Variants in PRIMA1 observed in about 807,000 individuals in gnomAD.
PRIMA1 encodes the protein proline-rich membrane anchor 1.
In PRIMA1, 7 loss-of-function variants were observed where a neutral mutation model predicts 17.5. The ratio of observed to expected loss-of-function variants is 0.40; its 90% CI spans 0.23 to 0.75. The LOEUF (loss-of-function observed/expected upper bound fraction) is 0.75. PRIMA1 is among the 30% of genes least tolerant of loss of function. The pLI is 0.37. For missense variants in PRIMA1, 200 were observed against 201.8 expected (o/e 0.99, Z 0.05); for synonymous variants, 97 against 77.9 (o/e 1.25, Z -1.29).
Position 93,721,345 on chromosome 14 carries a change from C to T in PRIMA1, c.*99G>A. 3 of 741,718 alleles carry T rather than the reference C, an allele frequency of 4.0e-6. No homozygotes were observed. In the South Asian group the frequency reaches 5.0e-5, roughly 12 times the overall value. The allele number at this position is 741,718 out of a possible 1,614,324, so 45.9% of individuals were successfully genotyped here. ...CTCAGGGCCTGTGAGGCAATGAAGT[C>T]CTGGACAAGCTCAGGGTTAGCTCAT... is the stretch of plus-strand genomic sequence containing the variant. On this transcript the variant is annotated 3_prime_UTR_variant, in exon 5 of 5. Transcript: ENST00000393140.
At chr14:93,783,874 C>T (rs544950105) in intron 2 of PRIMA1, among the ~76,000 whole-genome samples, 1 of 152,114 alleles carries the variant, frequency 6.6e-6, no homozygotes, top group South Asian at 2.1e-4. Context: ...CATCCTACTC[C>T]TGGCCAATCA....
intron 3 of PRIMA1, among the ~76,000 whole-genome samples, chr14:93,775,907 G>A (rs1170525976): frequency 1.3e-5 from 2 of 152,172 alleles, no homozygotes; most frequent in Admixed American, 6.5e-5. Flanking sequence ...CACATGGCCC[G>A]GGCCTGACCA....
At chr14:93,782,683 G>T (rs1255924899) in intron 2 of PRIMA1, among the ~76,000 whole-genome samples, 2 of 152,206 alleles carry the variant, frequency 1.3e-5, no homozygotes, top group Non-Finnish European at 1.5e-5. Flanking sequence ...TCTCTGAAAT[G>T]TGAGCAGGCA....
chr14:93,734,507 T>A (rs1355465460), intron 4 of PRIMA1, among the ~76,000 whole-genome samples: 1 of 152,224 alleles, frequency 6.6e-6, no homozygotes, highest in East Asian at 1.9e-4. Flanking sequence ...AGTTTCCCGC[T>A]TGCCTGTCTT....
intron 3 of PRIMA1, among the ~76,000 whole-genome samples, chr14:93,747,930 A>T (rs2076233192): frequency 1.3e-5 from 1 of 79,862 alleles, no homozygotes; most frequent in African/African-American, 3.9e-5. Flanking sequence ...GTGGAGTGTG[A>T]TTATGTGAGT....
At position 93,787,735 on chromosome 14, in the gene PRIMA1, C is replaced by A. The variant is rs1330299860; in HGVS notation, c.-17G>T. 6.5e-7 allele frequency: 1 copy of A among 1,541,532 alleles called. No individual in the cohort carries two copies. The highest frequency in any genetic ancestry group is 8.7e-7 in the Non-Finnish European group (1 of 1,146,364). On this transcript the variant is annotated 5_prime_UTR_variant, in exon 2 of 5. Transcript: ENST00000393140. Reference sequence around the variant, plus strand: ...GAGGAGCATCTCGGCCAGCGGCGCCCGCTCCTGGGGCGAACTGTCAGGAGA... The same window carrying A: ...GAGGAGCATCTCGGCCAGCGGCGCCAGCTCCTGGGGCGAACTGTCAGGAGA...
intron 3 of PRIMA1, among the ~76,000 whole-genome samples, chr14:93,778,364 C>G (rs180733109): frequency 1.3e-5 from 2 of 152,330 alleles, no homozygotes; most frequent in African/African-American, 4.8e-5. Flanking sequence ...TCCTCCAGAA[C>G]ATTGCATCAC....
chr14:93,767,861 A>G (rs1311373175), intron 3 of PRIMA1, among the ~76,000 whole-genome samples: 1 of 152,114 alleles, frequency 6.6e-6, no homozygotes, highest in African/African-American at 2.4e-5. Flanking sequence ...GCCTCTGAAC[A>G]CTCAGGTTCA....
rs527970749 is a variant in PRIMA1 at position 93,725,186 on chromosome 14, AGGCTCGGCACCTGTGGCAGGTAAGG to A, written c.360-3665_360-3641del. On this transcript the variant is annotated intron_variant, in intron 4 of 4. Transcript: ENST00000393140. ...GAAAGCAGGCAGAGGGGCTTGGCAGAGGCTCGGCACCTGTGGCAGGTAAGGGGCTCGGCACCTGTGGCAGGTAAGG... is the reference window on the plus strand; with the variant it reads ...GAAAGCAGGCAGAGGGGCTTGGCAGAGGCTCGGCACCTGTGGCAGGTAAGG... 8.3e-3 allele frequency among the ~76,000 whole-genome samples: 1,252 copies of A among 151,574 alleles called. 17 individuals are homozygous for A. The highest frequency in any genetic ancestry group is 0.028 in the African/African-American group (1,177 of 41,450).
At chr14:93,778,728 A>T (rs1385214475) in intron 3 of PRIMA1, among the ~76,000 whole-genome samples, 1 of 152,232 alleles carries the variant, frequency 6.6e-6, no homozygotes, top group African/African-American at 2.4e-5. Context: ...TTTTAGCAGA[A>T]TTTGGTGCAC....
chr14:93,779,062 G>T, intron 3 of PRIMA1, 114 bp downstream of exon 3: 1 of 737,824 alleles, frequency 1.4e-6, no homozygotes, highest in Non-Finnish European at 2.1e-6. Context: ...CCTCCTGCTT[G>T]GCCAGTGGAA....
At chr14:93,763,083 C>A (rs78070585) in intron 3 of PRIMA1, among the ~76,000 whole-genome samples, 1 of 152,188 alleles carries the variant, frequency 6.6e-6, no homozygotes, top group African/African-American at 2.4e-5. Flanking sequence ...GCTCACAGGG[C>A]GAGCATATCC....
intron 3 of PRIMA1, among the ~76,000 whole-genome samples, chr14:93,778,804 C>T (rs567265394): frequency 6.6e-6 from 1 of 152,128 alleles, no homozygotes; most frequent in Non-Finnish European, 1.5e-5. Flanking sequence ...CTAACTGCCT[C>T]CTTAAATGTA....
intron 3 of PRIMA1, among the ~76,000 whole-genome samples, chr14:93,774,402 C>T (rs1595222678): frequency 6.6e-6 from 1 of 152,176 alleles, no homozygotes. Flanking sequence ...GCCCTGCAAA[C>T]GTTCCTGGTC....
At chr14:93,750,452 C>A (rs1009158548) in intron 3 of PRIMA1, among the ~76,000 whole-genome samples, 1 of 152,194 alleles carries the variant, frequency 6.6e-6, no homozygotes, top group African/African-American at 2.4e-5. Context: ...TCAGGTAGAA[C>A]GTGCTCTGTC....
chr14:93,723,948 C>T (rs775291073), intron 4 of PRIMA1, among the ~76,000 whole-genome samples: 1 of 152,168 alleles, frequency 6.6e-6, no homozygotes, highest in African/African-American at 2.4e-5. Flanking sequence ...GCAGTGGCAA[C>T]ATCACAGCTC....
intron 3 of PRIMA1, among the ~76,000 whole-genome samples, chr14:93,762,829 C>G (rs995654715): frequency 1.3e-5 from 2 of 152,180 alleles, no homozygotes; most frequent in Non-Finnish European, 2.9e-5. Flanking sequence ...TGTCTCCTGT[C>G]CCTGCACCCA....
At chr14:93,762,451 G>C (rs996822605) in intron 3 of PRIMA1, among the ~76,000 whole-genome samples, 5 of 151,744 alleles carry the variant, frequency 3.3e-5, no homozygotes, top group African/African-American at 9.7e-5. Context: ...CAGGGAAAAG[G>C]GTCCAGCTAT....
rs531212492 is a variant in PRIMA1, at chr14:93,760,058, T to A, written c.229+19118A>T. On this transcript the variant is annotated intron_variant, in intron 3 of 4. Transcript: ENST00000393140. ...GGCAACAGCTGCCGTCCCCGAGGGC[T>A]GCCTGACCATATTTAGACAGGAGCA... Among the ~76,000 whole-genome samples the A allele has an allele frequency of 1.9e-4, 29 of 152,336 alleles. No individual in the cohort carries two copies. In the South Asian group the frequency reaches 6.0e-3, roughly 32 times the overall value.
Sources: allele counts gnomAD v4.1 joint callset (sites outside exome capture counted in the v4.1 genomes callset), GRCh38; gene constraint gnomAD v4.1.1; transcripts MANE v1.5; gene names NCBI Gene and HGNC (gene_info 2026-07-23, HGNC 2026-07-21).